Variants in RNASEH1 observed in about 807,000 individuals in gnomAD.
RNASEH1 encodes the protein ribonuclease H type II.
In RNASEH1, 27 loss-of-function variants were observed where a neutral mutation model predicts 34.6. That is an observed-to-expected ratio of 0.78 (90% confidence interval 0.58 to 1.08). RNASEH1 has a LOEUF of 1.08. Among genes scored for constraint, RNASEH1 ranks in the 50% least tolerant of loss-of-function variants. The pLI is 0.00. For synonymous variants in RNASEH1, 162 were observed against 138.4 expected (o/e 1.17, Z -1.20); for missense variants, 349 against 373.6 (o/e 0.93, Z 0.54).
At chr2:3,547,807 A>T in intron 7 of RNASEH1, 124 bp downstream of exon 7, 2 of 968,404 alleles carry the variant, frequency 2.1e-6, no homozygotes, top group Non-Finnish European at 3.2e-6. Flanking sequence ...TGTAATATAC[A>T]TTATGATATT....
Position 3,542,803 on chromosome 2 carries a change from C to G in RNASEH1, c.*2982G>C, listed in dbSNP as rs1270363858. On this transcript the variant is annotated 3_prime_UTR_variant, in exon 8 of 8. Coordinates refer to ENST00000315212, the MANE Select transcript of RNASEH1 (RefSeq NM_002936.6). ...TCATATAGAGGAGGCTATGTAAAGG[C>G]CCCAGGACCCTGAATTTGTATTGGG... Among the ~76,000 whole-genome samples the G allele has an allele frequency of 6.6e-6, 1 of 152,098 alleles. No individual in the cohort carries two copies. The highest frequency in any genetic ancestry group is 6.6e-5 in the Admixed American group (1 of 15,264).
intron 4 of RNASEH1, 37 bp from the exon 5 acceptor site, chr2:3,549,149 A>C: frequency 6.7e-7 from 1 of 1,482,770 alleles, no homozygotes; most frequent in Middle Eastern, 1.7e-4. Flanking sequence ...TAAAAGTATA[A>C]AGTGAATTCT....
intron 7 of RNASEH1, among the ~76,000 whole-genome samples, chr2:3,547,649 G>A (rs1051587412): frequency 7.9e-5 from 12 of 151,780 alleles, no homozygotes; most frequent in East Asian, 3.9e-4. Context: ...CACCATGCCC[G>A]GCTAATTTTT....
chr2:3,549,713 G>A (rs1406000635), intron 4 of RNASEH1, among the ~76,000 whole-genome samples: 3 of 151,878 alleles, frequency 2.0e-5, no homozygotes, highest in African/African-American at 7.2e-5. Flanking sequence ...TTGGGAGGCC[G>A]AGGTGGGCGG....
At chr2:3,550,801 G>A (rs1444046795) in intron 3 of RNASEH1, among the ~76,000 whole-genome samples, 1 of 152,180 alleles carries the variant, frequency 6.6e-6, no homozygotes, top group Non-Finnish European at 1.5e-5. Context: ...TCCACGGCAG[G>A]GTCACCTTCA....
downstream of RNASEH1, among the ~76,000 whole-genome samples, chr2:3,540,713 A>G (rs942739661): frequency 6.6e-6 from 1 of 151,984 alleles, no homozygotes; most frequent in African/African-American, 2.4e-5. Context: ...AGCCAACATC[A>G]TCTGTGTTGT....
chr2:3,546,748 G>A (rs1668791281), intron 7 of RNASEH1, among the ~76,000 whole-genome samples: 1 of 152,182 alleles, frequency 6.6e-6, no homozygotes, highest in African/African-American at 2.4e-5. Flanking sequence ...TCCAGCCTGG[G>A]CAACAGTGCG....
At chr2:3,540,322 G>A (rs1021956942), downstream of RNASEH1, among the ~76,000 whole-genome samples, 1 of 151,620 alleles carries the variant, frequency 6.6e-6, no homozygotes, top group Non-Finnish European at 1.5e-5. Flanking sequence ...AAAAAAAATT[G>A]CCCCCTAAAA....
chr2:3,534,621 G>T, the RNASEH1 span, among the ~76,000 whole-genome samples: 1 of 152,262 alleles, frequency 6.6e-6, no homozygotes, highest in Non-Finnish European at 1.5e-5. Flanking sequence ...GGCTGAGCGC[G>T]GATCCTGTGG....
At chr2:3,549,375 CAGAA>C (rs1217683185) in intron 4 of RNASEH1, among the ~76,000 whole-genome samples, 1 of 152,116 alleles carries the variant, frequency 6.6e-6, no homozygotes, top group African/African-American at 2.4e-5. Context: ...ATGGCTGCAG[CAGAA>C]AGAATCCCAG....
chr2:3,536,904 G>C (rs1051472685), downstream of RNASEH1: 1 of 152,292 alleles, frequency 6.6e-6, no homozygotes, highest in East Asian at 1.9e-4. Flanking sequence ...TGTCCCGGGA[G>C]AGTGCCCCTG....
intron 2 of RNASEH1, among the ~76,000 whole-genome samples, chr2:3,555,379 C>T (rs1237738788): frequency 1.3e-5 from 2 of 152,208 alleles, no homozygotes; most frequent in Non-Finnish European, 2.9e-5. Flanking sequence ...AGAACTGTCA[C>T]ATCGATGAGC....
the RNASEH1 span, among the ~76,000 whole-genome samples, chr2:3,535,009 G>A: frequency 1.3e-5 from 2 of 152,200 alleles, no homozygotes; most frequent in Admixed American, 1.3e-4. Context: ...GGGAGTCCGT[G>A]TCCAACACGA....
chr2:3,537,161 A>T (rs1311762809), downstream of RNASEH1, among the ~76,000 whole-genome samples: 1 of 152,176 alleles, frequency 6.6e-6, no homozygotes, highest in East Asian at 1.9e-4. Flanking sequence ...TGTCTACCTA[A>T]AAGGAGCACA....
At chr2:3,550,785 G>A (rs553162033) in intron 3 of RNASEH1, among the ~76,000 whole-genome samples, 3 of 152,298 alleles carry the variant, frequency 2.0e-5, no homozygotes, top group Middle Eastern at 3.4e-3. Context: ...GGACAATGGC[G>A]CTGTCTCCAC....
chr2:3,534,447 C>T, the RNASEH1 span, among the ~76,000 whole-genome samples: 12 of 152,234 alleles, frequency 7.9e-5, no homozygotes, highest in African/African-American at 2.4e-4. Context: ...GGCTGTAGCA[C>T]GCCCTGCTCG....
At chr2:3,549,168 T>C in intron 4 of RNASEH1, 56 bp from the exon 5 acceptor site, 2 of 1,258,696 alleles carry the variant, frequency 1.6e-6, no homozygotes, top group East Asian at 2.3e-5. Flanking sequence ...CTCAAAGTGA[T>C]TCTTCTTAAT....
At chr2:3,547,817 T>C in intron 7 of RNASEH1, 114 bp downstream of exon 7, 3 of 1,035,504 alleles carry the variant, frequency 2.9e-6, no homozygotes, top group African/African-American at 1.6e-5. Context: ...ATTATGATAT[T>C]AATATCATGG....
At chr2:3,532,674 G>A in the RNASEH1 span, among the ~76,000 whole-genome samples, 3 of 152,186 alleles carry the variant, frequency 2.0e-5, no homozygotes, top group African/African-American at 7.2e-5. Context: ...CAAAAACACG[G>A]TATCATCATC....
Sources: allele counts gnomAD v4.1 joint callset (sites outside exome capture counted in the v4.1 genomes callset), GRCh38; gene constraint gnomAD v4.1.1; transcripts MANE v1.5; gene names NCBI Gene and HGNC (gene_info 2026-07-23, HGNC 2026-07-21).